The following IL1RAPL1 variants were observed in gnomAD, a reference collection of about 807,000 sequenced individuals.
IL1RAPL1 encodes interleukin 1 receptor accessory protein like 1, also known as interleukin-1 receptor accessory protein-like 1.
A neutral mutation model predicts 48.4 loss-of-function variants in IL1RAPL1; 3 were observed. That is an observed-to-expected ratio of 0.06 (90% CI 0.03 to 0.16). The LOEUF is 0.16. IL1RAPL1 is among the 10% of genes least tolerant of loss of function. IL1RAPL1 has a pLI of 1.00. For synonymous variants in IL1RAPL1, 185 were observed against 187.7 expected (o/e 0.99, Z 0.12); for missense variants, 349 against 530.6 (o/e 0.66, Z 3.36).
intron 6 of IL1RAPL1, among the ~76,000 whole-genome samples, chrX:29,734,215 A>G (rs1298994913): frequency 8.8e-6 from 1 of 113,063 alleles, no homozygotes; most frequent in Admixed American, 9.3e-5. Context: ...GAGTAGGAAA[A>G]TAGATTATCA....
intron 2 of IL1RAPL1, among the ~76,000 whole-genome samples, chrX:29,208,887 A>G (rs1248728239): frequency 9.0e-6 from 1 of 110,587 alleles, no homozygotes; most frequent in African/African-American, 3.3e-5. Context: ...GTATACAGCC[A>G]AGCATTTTTG....
chrX:28,752,897 A>G (rs1936059806), intron 1 of IL1RAPL1, among the ~76,000 whole-genome samples: 1 of 112,541 alleles, frequency 8.9e-6, no homozygotes, highest in Non-Finnish European at 1.9e-5. Flanking sequence ...ATTACTTAAT[A>G]AATAAATGGC....
At chrX:28,973,976 T>G (rs1449598359) in intron 2 of IL1RAPL1, among the ~76,000 whole-genome samples, 2 of 112,609 alleles carry the variant, frequency 1.8e-5, no homozygotes, top group East Asian at 5.6e-4. Flanking sequence ...TTTTGAAAAG[T>G]TAAAGGAGAC....
chrX:29,659,855 C>T (rs766136266), intron 5 of IL1RAPL1, among the ~76,000 whole-genome samples: 2 of 111,576 alleles, frequency 1.8e-5, no homozygotes, highest in South Asian at 7.5e-4. Context: ...TTACTAATCC[C>T]GTGTGTATTA....
chrX:29,228,332 AGT>A (rs1555978439), intron 2 of IL1RAPL1, among the ~76,000 whole-genome samples: 1,056 of 79,453 alleles, frequency 0.013, 12 homozygotes, highest in Middle Eastern at 0.03. Context: ...AGTTTTGCCT[AGT>A]GTGTGTGTGT....
At chrX:29,796,583 T>C (rs1029408512) in intron 6 of IL1RAPL1, among the ~76,000 whole-genome samples, 1 of 112,118 alleles carries the variant, frequency 8.9e-6, no homozygotes, top group African/African-American at 3.2e-5. Context: ...ATTCTTCCAG[T>C]GCAAGCCTCC....
intron 2 of IL1RAPL1, among the ~76,000 whole-genome samples, chrX:29,152,689 C>A (rs1429724091): frequency 8.9e-6 from 1 of 112,087 alleles, no homozygotes; most frequent in African/African-American, 3.2e-5. Context: ...AGCCTGTGAA[C>A]TCTTCGTTGT....
chrX:29,454,807 A>AT (rs1355849414), intron 5 of IL1RAPL1, among the ~76,000 whole-genome samples: 91 of 102,513 alleles, frequency 8.9e-4, no homozygotes, highest in Non-Finnish European at 8.4e-4. Flanking sequence ...CTTCCGTTTG[A>AT]TTTTTTTTTT....
intron 5 of IL1RAPL1, among the ~76,000 whole-genome samples, chrX:29,485,423 CT>C (rs1314925148): frequency 9.0e-6 from 1 of 111,616 alleles, no homozygotes. Flanking sequence ...TTTACAAACA[CT>C]AATCCATTTA....
At chrX:29,773,856 T>G (rs2147152733) in intron 6 of IL1RAPL1, among the ~76,000 whole-genome samples, 1 of 111,843 alleles carries the variant, frequency 8.9e-6, no homozygotes, top group Admixed American at 9.5e-5. Context: ...GTCAAATAAA[T>G]ATATTTACAA....
At chrX:28,763,016 A>C (rs1601892259) in intron 1 of IL1RAPL1, among the ~76,000 whole-genome samples, 1 of 111,579 alleles carries the variant, frequency 9.0e-6, no homozygotes, top group Non-Finnish European at 1.9e-5. Context: ...TGACACAAAT[A>C]ACTCCAAGCT....
intron 2 of IL1RAPL1, among the ~76,000 whole-genome samples, chrX:29,102,810 C>T (rs946650485): frequency 2.7e-5 from 3 of 111,435 alleles, no homozygotes; most frequent in Non-Finnish European, 3.8e-5. Flanking sequence ...ATACAAAAAT[C>T]GGTAGCATTT....
intron 2 of IL1RAPL1, among the ~76,000 whole-genome samples, chrX:29,184,605 A>G (rs745946581): frequency 5.4e-5 from 6 of 110,918 alleles, no homozygotes; most frequent in Non-Finnish European, 1.1e-4. Context: ...GATTCAAGTG[A>G]TTCTCCTGCC....
chrX:29,358,164 T>C (rs752674124), intron 3 of IL1RAPL1, among the ~76,000 whole-genome samples: 2 of 111,106 alleles, frequency 1.8e-5, no homozygotes, highest in African/African-American at 6.5e-5. Context: ...TTTTTATAAA[T>C]TGCTTCAGAG....
intron 8 of IL1RAPL1, 23 bp downstream of exon 8, chrX:29,920,117 C>T (rs749383705): frequency 3.2e-5 from 38 of 1,206,150 alleles, no homozygotes; most frequent in African/African-American, 1.2e-4. Context: ...TTCTAAGCTT[C>T]GGTGGTCAAC....
intron 6 of IL1RAPL1, among the ~76,000 whole-genome samples, chrX:29,890,383 A>G (rs768562893): frequency 9.0e-6 from 1 of 111,563 alleles, no homozygotes; most frequent in Non-Finnish European, 1.9e-5. Flanking sequence ...ATTACTCCCT[A>G]ATTGTTTCTT....
At chrX:28,906,226 T>A (rs1923212734) in intron 2 of IL1RAPL1, among the ~76,000 whole-genome samples, 2 of 112,346 alleles carry the variant, frequency 1.8e-5, no homozygotes, top group Non-Finnish European at 3.8e-5. Flanking sequence ...CCATGAGGGG[T>A]CTCCCTAGAC....
At chrX:29,838,821 C>G (rs1931071138) in intron 6 of IL1RAPL1, among the ~76,000 whole-genome samples, 1 of 111,828 alleles carries the variant, frequency 8.9e-6, no homozygotes, top group Non-Finnish European at 1.9e-5. Flanking sequence ...GTGGGCTCAG[C>G]CAGGTGGTTC....
chrX:28,672,849 A>G (rs758763561), intron 1 of IL1RAPL1, among the ~76,000 whole-genome samples: 12 of 111,274 alleles, frequency 1.1e-4, no homozygotes, highest in Middle Eastern at 4.6e-3. Flanking sequence ...GGTTTGTTAC[A>G]TAGGTGAACT....
Sources: allele counts gnomAD v4.1 joint callset (sites outside exome capture counted in the v4.1 genomes callset), GRCh38; gene constraint gnomAD v4.1.1; transcripts MANE v1.5; gene names NCBI Gene and HGNC (gene_info 2026-07-23, HGNC 2026-07-21).